Variants in DRC9 observed in about 807,000 individuals in gnomAD.
DRC9 encodes dynein regulatory complex protein 9.
At chr3:197,950,955 T>C in the DRC9 span, 238 of 1,614,056 alleles carry the variant, frequency 1.5e-4, 1 homozygote, top group Non-Finnish European at 2.0e-4. Context: ...GAACGGGACT[T>C]CTAAAAGGAA....
chr3:197,905,018 G>C, the DRC9 span, among the ~76,000 whole-genome samples: 1 of 152,114 alleles, frequency 6.6e-6, no homozygotes, highest in African/African-American at 2.4e-5. Flanking sequence ...TTCTTTGTGA[G>C]AGCTAAAAAT....
the DRC9 span, chr3:197,955,867 C>A: frequency 9.3e-7 from 1 of 1,073,680 alleles, no homozygotes; most frequent in Non-Finnish European, 1.4e-6. Context: ...TTGCTACATG[C>A]TTAAAATGAT....
the DRC9 span, chr3:197,938,425 G>A: frequency 1.4e-6 from 1 of 709,890 alleles, no homozygotes; most frequent in Non-Finnish European, 2.5e-6. Flanking sequence ...TCTATTCTCA[G>A]CAGTCATTTT....
the DRC9 span, among the ~76,000 whole-genome samples, chr3:197,953,325 A>G: frequency 6.6e-6 from 1 of 152,198 alleles, no homozygotes; most frequent in Non-Finnish European, 1.5e-5. Context: ...GCAGTGAGCT[A>G]TGATTGGGCC....
At chr3:197,956,991 C>G in the DRC9 span, 1 of 152,120 alleles carries the variant, frequency 6.6e-6, no homozygotes, top group Admixed American at 6.6e-5. Flanking sequence ...CACCTAAGCC[C>G]TTTTGCAGTT....
the DRC9 span, among the ~76,000 whole-genome samples, chr3:197,928,685 GC>G: frequency 1.3e-5 from 2 of 151,996 alleles, no homozygotes; most frequent in Non-Finnish European, 2.9e-5. Flanking sequence ...AAAATAACAG[GC>G]AAGAAATAAT....
chr3:197,891,494 G>T, the DRC9 span: 1 of 1,606,514 alleles, frequency 6.2e-7, no homozygotes, highest in Non-Finnish European at 8.5e-7. Flanking sequence ...CCTTCTTCTT[G>T]CTCCTCTCCT....
the DRC9 span, among the ~76,000 whole-genome samples, chr3:197,946,511 C>T: frequency 6.6e-6 from 1 of 151,958 alleles, no homozygotes; most frequent in Non-Finnish European, 1.5e-5. Flanking sequence ...GATGTTACCC[C>T]TCCTCAGTAA....
At chr3:197,904,015 T>C in the DRC9 span, among the ~76,000 whole-genome samples, 1 of 91,284 alleles carries the variant, frequency 1.1e-5, no homozygotes, top group African/African-American at 6.9e-5. Flanking sequence ...TACATATATA[T>C]ATACATACAT....
the DRC9 span, among the ~76,000 whole-genome samples, chr3:197,944,729 T>G: frequency 2.0e-5 from 3 of 152,074 alleles, no homozygotes; most frequent in Admixed American, 2.0e-4. Flanking sequence ...ATTACAGGTG[T>G]GAGCCACCGC....
At chr3:197,897,937 ATTTTTT>A in the DRC9 span, among the ~76,000 whole-genome samples, 1 of 133,066 alleles carries the variant, frequency 7.5e-6, no homozygotes, top group Admixed American at 7.5e-5. Flanking sequence ...CGCCCAGCTA[ATTTTTT>A]TTTTTTTTTT....
At chr3:197,931,296 A>T in the DRC9 span, among the ~76,000 whole-genome samples, 1 of 151,898 alleles carries the variant, frequency 6.6e-6, no homozygotes, top group Non-Finnish European at 1.5e-5. Context: ...AGCCTGGCCA[A>T]CATGGTGAAA....
At chr3:197,917,182 T>A in the DRC9 span, among the ~76,000 whole-genome samples, 1 of 152,194 alleles carries the variant, frequency 6.6e-6, no homozygotes, top group Non-Finnish European at 1.5e-5. Flanking sequence ...CTGGGCCTGG[T>A]GGCATGCGCC....
the DRC9 span, among the ~76,000 whole-genome samples, chr3:197,937,158 G>A: frequency 1.3e-5 from 2 of 152,120 alleles, no homozygotes; most frequent in African/African-American, 2.4e-5. Context: ...GTGGTCCTGC[G>A]TAATTGCAGT....
At chr3:197,896,528 C>G in the DRC9 span, among the ~76,000 whole-genome samples, 19 of 152,154 alleles carry the variant, frequency 1.2e-4, no homozygotes, top group Admixed American at 5.9e-4. Context: ...TAAAAGTAAG[C>G]TGGGGTAAAT....
chr3:197,903,987 C>G, the DRC9 span, among the ~76,000 whole-genome samples: 1 of 147,054 alleles, frequency 6.8e-6, no homozygotes, highest in Non-Finnish European at 1.5e-5. Flanking sequence ...TACATACACA[C>G]ACACATATAT....
the DRC9 span, among the ~76,000 whole-genome samples, chr3:197,910,361 C>T: frequency 6.6e-6 from 1 of 152,146 alleles, no homozygotes; most frequent in African/African-American, 2.4e-5. Context: ...GGCTGAAGAT[C>T]TGGGAAACTC....
At chr3:197,925,958 T>C in the DRC9 span, 184 of 839,540 alleles carry the variant, frequency 2.2e-4, no homozygotes, top group East Asian at 3.6e-3. Context: ...TTGAGAAAGA[T>C]GGCTTCCATA....
the DRC9 span, among the ~76,000 whole-genome samples, chr3:197,900,158 T>C: frequency 6.6e-6 from 1 of 152,118 alleles, no homozygotes; most frequent in Non-Finnish European, 1.5e-5. This position sits in a 1 kb window ranked among gnomAD's most constrained non-coding sequence, Gnocchi z 4.7. Context: ...GCTACGCCGC[T>C]CTGGGGTCCT....
Sources: gnomAD v4.1 joint callset for allele counts (sites outside exome capture counted in the v4.1 genomes callset) on GRCh38, gnomAD v4.1.1 for gene constraint, Gnocchi (gnomAD v3.1) non-coding constraint, MANE v1.5 for transcripts, NCBI Gene and HGNC (gene_info 2026-07-23, HGNC 2026-07-21) for gene names.